The following OR7C1 variants were observed in gnomAD, a reference collection of about 807,000 sequenced individuals.
The protein encoded by OR7C1 is olfactory receptor family 7 subfamily C member 1.
For synonymous variants in OR7C1, 152 were observed against 160.7 expected (o/e 0.95, Z 0.41); for missense variants, 324 against 383.3 (o/e 0.85, Z 1.29).
intron 1 of OR7C1, among the ~76,000 whole-genome samples, chr19:14,814,970 G>A (rs944247368): frequency 1.3e-5 from 2 of 152,158 alleles, no homozygotes; most frequent in African/African-American, 2.4e-5. Flanking sequence ...CGCCATGCCC[G>A]GCAAGCATTA....
At chr19:14,828,015 G>A (rs761066740) in intron 1 of OR7C1, 43 of 1,614,106 alleles carry the variant, frequency 2.7e-5, no homozygotes, top group Non-Finnish European at 3.1e-5. Context: ...TGGAATGGTG[G>A]TGGAAGTAAC....
rs34756526 is a variant in OR7C1, at chr19:14,810,372, GT to G, written c.-622-380del. On this transcript the variant is annotated intron_variant, in intron 1 of 4. Coordinates refer to ENST00000641666, the Ensembl canonical transcript of OR7C1. ...CCCTAACCACATTCAACCAAAATGA[GT>G]TTTTTTTTTTTGTTTTTTGTTTTTG... 4.2e-4 allele frequency among the ~76,000 whole-genome samples: 47 copies of G among 112,394 alleles called. 1 individual carries two copies. The highest frequency in any genetic ancestry group is 1.0e-3 in the African/African-American group (23 of 22,110). 73.7% of individuals were successfully genotyped at this position (112,394 alleles called of 152,430 possible).
At chr19:14,834,206 G>A (rs1430011560) in intron 1 of OR7C1, among the ~76,000 whole-genome samples, 2 of 152,186 alleles carry the variant, frequency 1.3e-5, no homozygotes, top group East Asian at 3.8e-4. Flanking sequence ...AGGCAGCAGT[G>A]AGCTGAGATC....
chr19:14,825,691 C>T (rs999866991), intron 1 of OR7C1: 5 of 152,330 alleles, frequency 3.3e-5, no homozygotes, highest in Admixed American at 6.5e-5. Context: ...CCTAGGTCAG[C>T]CCACAGCCAA....
intron 1 of OR7C1, among the ~76,000 whole-genome samples, chr19:14,831,192 C>A (rs2044828810): frequency 6.6e-6 from 1 of 152,046 alleles, no homozygotes. Context: ...CCTTTTTTGG[C>A]AACAAAGGTA....
At chr19:14,811,055 T>C (rs2044688776) in intron 1 of OR7C1, among the ~76,000 whole-genome samples, 1 of 151,884 alleles carries the variant, frequency 6.6e-6, no homozygotes, top group African/African-American at 2.4e-5. Context: ...TATTTTAGGC[T>C]TTTTGGGTCC....
exon 5 of OR7C1, chr19:14,799,996 C>T: frequency 1.9e-6 from 3 of 1,613,892 alleles, no homozygotes; most frequent in Non-Finnish European, 2.5e-6. Flanking sequence ...AGCATATGGC[C>T]AGGATGATGA....
intron 1 of OR7C1, among the ~76,000 whole-genome samples, chr19:14,811,467 C>T (rs1459608311): frequency 6.6e-6 from 1 of 151,878 alleles, no homozygotes; most frequent in Non-Finnish European, 1.5e-5. Context: ...TTAAGGTCCA[C>T]CTGGATAATC....
At chr19:14,803,457 G>A (rs1413665540) in intron 2 of OR7C1, among the ~76,000 whole-genome samples, 3 of 152,036 alleles carry the variant, frequency 2.0e-5, no homozygotes, top group East Asian at 1.9e-4. Context: ...TACTGTACAC[G>A]TGGTTTGCAA....
intron 1 of OR7C1, among the ~76,000 whole-genome samples, chr19:14,832,921 C>T (rs924203103): frequency 1.3e-5 from 2 of 151,578 alleles, no homozygotes. Context: ...AATAAATTGG[C>T]AAAAATCTAG....
chr19:14,812,871 C>A (rs1308505454), intron 1 of OR7C1, among the ~76,000 whole-genome samples: 1 of 151,666 alleles, frequency 6.6e-6, no homozygotes, highest in Non-Finnish European at 1.5e-5. Context: ...CAAGACCGGC[C>A]TTGCCAGCAT....
intron 1 of OR7C1, among the ~76,000 whole-genome samples, chr19:14,822,069 T>C (rs1469520410): frequency 6.6e-6 from 1 of 152,246 alleles, no homozygotes; most frequent in African/African-American, 2.4e-5. Context: ...TGTTCTATTG[T>C]GGATATGCAC....
intron 1 of OR7C1, chr19:14,827,392 TG>T: frequency 1.2e-6 from 2 of 1,613,956 alleles, no homozygotes; most frequent in Admixed American, 3.3e-5. Flanking sequence ...GGGTTCAGCA[TG>T]GGGGTGACCA....
intron 1 of OR7C1, among the ~76,000 whole-genome samples, chr19:14,810,500 C>T (rs2044686028): frequency 6.6e-6 from 1 of 151,744 alleles, no homozygotes; most frequent in Admixed American, 6.6e-5. Flanking sequence ...CTGCCTCAGC[C>T]TCCCGAGTAG....
chr19:14,800,346 A>G lies in OR7C1; in HGVS notation c.-104T>C. The G allele has an allele frequency of 1.7e-6, 1 of 581,212 alleles. No homozygotes were observed. Among genetic ancestry groups the G allele is most frequent in the Non-Finnish European group, 3.0e-6 (1 of 336,018 alleles). 36.0% of individuals were successfully genotyped at this position (581,212 alleles called of 1,614,324 possible). On this transcript the variant is annotated 5_prime_UTR_variant, in exon 4 of 5. The change abolishes an upstream ATG in the 5' untranslated region. Transcript: ENST00000641666. ...GATCTGGAAATGTAGTGTTAGTTCC[A>G]TAATACTTGTACCCTCTATAGCCTG... is the stretch of plus-strand genomic sequence containing the variant.
chr19:14,807,206 G>A (rs556319208), intron 2 of OR7C1, among the ~76,000 whole-genome samples: 1 of 151,906 alleles, frequency 6.6e-6, no homozygotes, highest in East Asian at 1.9e-4. Flanking sequence ...TGTTCATGTA[G>A]GGATGGCCAT....
chr19:14,800,051 C>T (rs754886551), exon 5 of OR7C1: 2 of 1,613,198 alleles, frequency 1.2e-6, no homozygotes, highest in Non-Finnish European at 8.5e-7. Context: ...GAGGAACAGC[C>T]CAAAGAGAAT....
intron 2 of OR7C1, among the ~76,000 whole-genome samples, chr19:14,807,628 T>G (rs2044671702): frequency 6.6e-6 from 1 of 151,872 alleles, no homozygotes; most frequent in African/African-American, 2.4e-5. Flanking sequence ...CCCATTCTTT[T>G]AGGGAGGAGA....
rs771907297 is a variant in OR7C1 at position 14,800,077 on chromosome 19, C to T, written c.60G>A (p.Thr20=). 3.1e-6 allele frequency: 5 copies of T among 1,603,420 alleles called. No individual in the cohort carries two copies. The African/African-American group carries it at 5.4e-5, about 17-fold the overall frequency. ...CAAAGAGAATGAACTGAATCTCTGACGTTGCTGAAAATCCCAGGAGGAGAA... is the reference window on the plus strand; with the variant it reads ...CAAAGAGAATGAACTGAATCTCTGATGTTGCTGAAAATCCCAGGAGGAGAA... The change falls in exon 5 of 5, where the codon ACG becomes ACA. Residue 20 remains threonine (T), a synonymous_variant. Coordinates refer to ENST00000641666, the Ensembl canonical transcript of OR7C1.
Sources: allele counts gnomAD v4.1 joint callset (sites outside exome capture counted in the v4.1 genomes callset), GRCh38; gene constraint gnomAD v4.1.1; transcripts MANE v1.5; gene names NCBI Gene and HGNC (gene_info 2026-07-23, HGNC 2026-07-21).